Variants in DPP6 observed in about 807,000 individuals in gnomAD.
DPP6 encodes the protein dipeptidyl peptidase like 6.
DPP6 carries 69 observed loss-of-function variants against 122.6 expected under a neutral mutation model. That is an observed-to-expected ratio of 0.56 (90% CI 0.46 to 0.69). The LOEUF is 0.69. Among genes scored for constraint, DPP6 ranks in the 30% least tolerant of loss-of-function variants. The probability of loss-of-function intolerance (pLI) is 0.00; values close to 1 mark genes in which losing one functional copy is unlikely to be tolerated. For missense variants in DPP6, 928 were observed against 1,116.9 expected, an observed-to-expected ratio of 0.83 and a Z score of 2.41; for synonymous variants, 418 against 433.1, an observed-to-expected ratio of 0.97 and a Z score of 0.43.
At chr7:154,126,996 G>T (rs1023712395) in intron 1 of DPP6, among the ~76,000 whole-genome samples, 2 of 152,232 alleles carry the variant, frequency 1.3e-5, no homozygotes, top group African/African-American at 4.8e-5. Context: ...CTCCTTGGGG[G>T]ATTTCAAGAT....
chr7:154,142,272 CA>C (rs1795884072), intron 1 of DPP6, among the ~76,000 whole-genome samples: 1 of 151,784 alleles, frequency 6.6e-6, no homozygotes, highest in African/African-American at 2.4e-5. Context: ...CACAACGTGC[CA>C]AATATTGAAT....
At position 154,331,763 on chromosome 7, in the gene DPP6, C is replaced by T. The variant is rs1808966088; in HGVS notation, c.244-114451C>T. 2.6e-5 allele frequency among the ~76,000 whole-genome samples: 4 copies of T among 152,250 alleles called. No individual in the cohort carries two copies. In the South Asian group the frequency reaches 6.2e-4, roughly 24 times the overall value. Reference sequence around the variant, plus strand: ...CAGGTGTGGCCAAATATAGAGATCTCGTGAAAAACTAATAGCCTGCCAAAG... The same window carrying T: ...CAGGTGTGGCCAAATATAGAGATCTTGTGAAAAACTAATAGCCTGCCAAAG... On this transcript the variant is annotated intron_variant, in intron 1 of 25. Coordinates refer to ENST00000377770, the MANE Select transcript of DPP6 (RefSeq NM_130797.4).
chr7:154,266,960 G>A (rs188785678), intron 1 of DPP6, among the ~76,000 whole-genome samples: 24 of 152,184 alleles, frequency 1.6e-4, no homozygotes, highest in Middle Eastern at 3.4e-3. Context: ...AAAAATATTC[G>A]CAGTTATCTG....
At chr7:154,534,981 T>C (rs1047802649) in intron 3 of DPP6, among the ~76,000 whole-genome samples, 1 of 151,698 alleles carries the variant, frequency 6.6e-6, no homozygotes, top group African/African-American at 2.4e-5. Context: ...AAAGTTACAG[T>C]AATCAACACA....
rs193031837 is a variant in DPP6 at position 154,062,818 on chromosome 7, G to C, written c.243+9755G>C. ...TAGGACCCCCATCGCAGAGGGGGGA[G>C]GCACCCCCCGCGAGGCGGGGACTGC... On this transcript the variant is annotated intron_variant, in intron 1 of 25. Coordinates refer to ENST00000377770, the MANE Select transcript of DPP6 (RefSeq NM_130797.4). Among the ~76,000 whole-genome samples the C allele has an allele frequency of 3.7e-3, 454 of 124,180 alleles. 29 individuals carry two copies. The highest frequency in any genetic ancestry group is 0.011 in the African/African-American group (350 of 32,624). 81.5% of individuals were successfully genotyped at this position (124,180 alleles called of 152,430 possible).
At chr7:154,527,830 C>T (rs12668094) in intron 3 of DPP6, among the ~76,000 whole-genome samples, 4,326 of 152,058 alleles carry the variant, frequency 0.028, 93 homozygotes, top group South Asian at 0.083. Flanking sequence ...TTTTAACATA[C>T]GCATGGTCTT....
At chr7:154,758,475 G>A (rs1251032016) in intron 8 of DPP6, among the ~76,000 whole-genome samples, 3 of 151,338 alleles carry the variant, frequency 2.0e-5, no homozygotes, top group Admixed American at 6.6e-5. Context: ...AGGTTCAAGC[G>A]ATTCTCCTGC....
chr7:154,338,420 C>T (rs549579229), intron 1 of DPP6, among the ~76,000 whole-genome samples: 1 of 152,184 alleles, frequency 6.6e-6, no homozygotes, highest in South Asian at 2.1e-4. Flanking sequence ...AATAGTAACT[C>T]GTGATCCAGG....
chr7:154,512,075 GA>G lies in DPP6; in HGVS notation c.458-28455del, dbSNP rs1221350534. 9.0e-4 allele frequency among the ~76,000 whole-genome samples: 137 copies of G among 152,298 alleles called. 1 individual carries two copies. Among genetic ancestry groups the G allele is most frequent in the Non-Finnish European group, 7.4e-5 (5 of 68,026 alleles). The stretch of plus-strand genomic sequence containing the variant: ...ATAAAAGTCATTGAGGTCATTGACA[GA>G]AGGCTATGTTTTCCTCTAAAATCAT... On this transcript the variant is annotated intron_variant, in intron 3 of 25. Coordinates refer to ENST00000377770, the MANE Select transcript of DPP6 (RefSeq NM_130797.4).
At chr7:154,175,473 C>A (rs570385289) in intron 1 of DPP6, among the ~76,000 whole-genome samples, 2 of 152,192 alleles carry the variant, frequency 1.3e-5, no homozygotes, top group South Asian at 4.2e-4. Flanking sequence ...CCACCCCACC[C>A]CCAGAGCCTC....
chr7:153,895,727 TGCACACACAC>T (rs1563214230), intron 1 of DPP6, among the ~76,000 whole-genome samples: 1 of 78,184 alleles, frequency 1.3e-5, no homozygotes, highest in Admixed American at 1.7e-4. Flanking sequence ...TGTGCATGCG[TGCACACACAC>T]ACACACACAC....
chr7:153,994,676 T>C (rs2533582), intron 1 of DPP6, among the ~76,000 whole-genome samples: 2 of 152,234 alleles, frequency 1.3e-5, no homozygotes, highest in Admixed American at 6.5e-5. Flanking sequence ...CTATTAAAAG[T>C]TTCTCCTAAA....
At chr7:153,892,742 G>A (rs1286464199) in intron 1 of DPP6, among the ~76,000 whole-genome samples, 1 of 152,148 alleles carries the variant, frequency 6.6e-6, no homozygotes, top group Non-Finnish European at 1.5e-5. Context: ...GGTTCTAAAT[G>A]GGAGCAGTGT....
intron 8 of DPP6, among the ~76,000 whole-genome samples, chr7:154,759,130 C>T (rs1277962124): frequency 6.6e-6 from 1 of 152,184 alleles, no homozygotes; most frequent in African/African-American, 2.4e-5. Flanking sequence ...CCAGCTTCTC[C>T]AGCCCCCTGG....
chr7:153,959,155 A>G (rs1011139460), intron 1 of DPP6, among the ~76,000 whole-genome samples: 12 of 132,420 alleles, frequency 9.1e-5, no homozygotes, highest in Non-Finnish European at 1.2e-4. Context: ...GACAATAACA[A>G]TAAGTCAGGA....
At chr7:153,999,465 A>G (rs1191432467) in intron 1 of DPP6, among the ~76,000 whole-genome samples, 7 of 152,176 alleles carry the variant, frequency 4.6e-5, no homozygotes, top group African/African-American at 1.7e-4. Context: ...ATGGGCACTG[A>G]GTAACTTTTT....
In DPP6 at chr7:154,780,306, G is replaced by C. The variant is rs549666291; in HGVS notation, c.1136+7364G>C. 3.7e-4 allele frequency among the ~76,000 whole-genome samples: 56 copies of C among 152,320 alleles called. 1 individual carries two copies. Among genetic ancestry groups the C allele is most frequent in the Non-Finnish European group, 7.8e-4 (53 of 68,022 alleles). ...AAATGTTCAGTGCTGTAGGAGGCTG[G>C]AAATCTGAGTCACAGCTGTCAGAAT... is the stretch of plus-strand genomic sequence containing the variant. On this transcript the variant is annotated intron_variant, in intron 10 of 25. Coordinates refer to ENST00000377770, the MANE Select transcript of DPP6 (RefSeq NM_130797.4).
rs147920684 is a variant in DPP6, at chr7:154,525,585, G to A, written c.458-14947G>A. On this transcript the variant is annotated intron_variant, in intron 3 of 25. Transcript: ENST00000377770. ...GAGAGCACAATGCTGTGATTAACACGGAATGCTACCACAGCTAATATGCAG... is the reference window on the plus strand; with the variant it reads ...GAGAGCACAATGCTGTGATTAACACAGAATGCTACCACAGCTAATATGCAG... 7.7e-3 allele frequency among the ~76,000 whole-genome samples: 1,177 copies of A among 152,256 alleles called. 12 individuals are homozygous for A. The highest frequency in any genetic ancestry group is 0.026 in the African/African-American group (1,065 of 41,562).
chr7:154,242,256 G>T (rs1563358507), intron 1 of DPP6, among the ~76,000 whole-genome samples: 1 of 152,148 alleles, frequency 6.6e-6, no homozygotes, highest in East Asian at 1.9e-4. Context: ...CTTCACTCAG[G>T]CTTATGGAAT....
Sources: gnomAD v4.1 joint callset for allele counts (sites outside exome capture counted in the v4.1 genomes callset) on GRCh38, gnomAD v4.1.1 for gene constraint, MANE v1.5 for transcripts, NCBI Gene and HGNC (gene_info 2026-07-23, HGNC 2026-07-21) for gene names.